SLC2A5: variants seen among roughly 807,000 people sequenced by gnomAD.
The protein encoded by SLC2A5 is solute carrier family 2, facilitated glucose transporter member 5.
Under a neutral mutation model 50.3 loss-of-function variants are expected in SLC2A5, and 56 were observed. That is an observed-to-expected ratio of 1.11 (90% CI 0.90 to 1.39). SLC2A5 has a LOEUF of 1.39. SLC2A5 is among the 40% of genes most tolerant of loss of function. The pLI is 0.00. For missense variants in SLC2A5, 566 were observed against 650.1 expected, an observed-to-expected ratio of 0.87 and a Z score of 1.41; for synonymous variants, 269 against 281.9, an observed-to-expected ratio of 0.95 and a Z score of 0.46.
intron 4 of SLC2A5, among the ~76,000 whole-genome samples, chr1:9,046,997 C>T (rs1039656323): frequency 2.0e-5 from 3 of 152,036 alleles, no homozygotes; most frequent in African/African-American, 2.4e-5. Context: ...CTCTCTCTCT[C>T]GCCTGCTGCC....
At chr1:9,060,359 A>T (rs1382513646) in intron 1 of SLC2A5, among the ~76,000 whole-genome samples, 1 of 124,750 alleles carries the variant, frequency 8.0e-6, no homozygotes, top group Non-Finnish European at 1.6e-5. Context: ...CCAAATGTAC[A>T]CACACTACAT....
intron 1 of SLC2A5, among the ~76,000 whole-genome samples, chr1:9,059,132 CTTTCTTTTTTTTT>C (rs1641835741): frequency 1.2e-5 from 1 of 80,364 alleles, no homozygotes; most frequent in Non-Finnish European, 2.2e-5. Flanking sequence ...AGCCGCCTTT[CTTTCTTTTTTTTT>C]TTTTTTTTTT....
chr1:9,070,269 C>T (rs954351326), upstream of SLC2A5, among the ~76,000 whole-genome samples: 3 of 151,594 alleles, frequency 2.0e-5, no homozygotes, highest in East Asian at 1.9e-4. Flanking sequence ...TTAGTAGACA[C>T]GGGGTTTTGC....
chr1:9,079,409 A>C (rs2124476302), intron 2 of SLC2A5, among the ~76,000 whole-genome samples: 1 of 152,364 alleles, frequency 6.6e-6, no homozygotes, highest in East Asian at 1.9e-4. Context: ...CCGGAGCAGC[A>C]GAGGCTCTTC....
chr1:9,070,365 G>A (rs1209981933), upstream of SLC2A5, among the ~76,000 whole-genome samples: 13 of 152,156 alleles, frequency 8.5e-5, no homozygotes, highest in Non-Finnish European at 1.5e-5. Flanking sequence ...ACAGGCGTGA[G>A]CCATCGTGTC....
upstream of SLC2A5, among the ~76,000 whole-genome samples, chr1:9,089,472 A>T (rs751165862): frequency 9.2e-5 from 14 of 152,222 alleles, no homozygotes; most frequent in Non-Finnish European, 1.9e-4. Context: ...CAGACATCTC[A>T]GTGGGATCTC....
At chr1:9,068,308 A>G (rs886769716) in intron 1 of SLC2A5, among the ~76,000 whole-genome samples, 1 of 151,748 alleles carries the variant, frequency 6.6e-6, no homozygotes, top group East Asian at 1.9e-4. Context: ...CCAGCACCCT[A>G]TGAGGCGGTA....
chr1:9,049,164 T>G (rs1272580646), intron 3 of SLC2A5: 2 of 456,114 alleles, frequency 4.4e-6, no homozygotes, highest in Non-Finnish European at 8.8e-6. Context: ...GGAGCCCTCA[T>G]GATGAGGACC....
At chr1:9,063,018 G>A (rs1032439998) in intron 1 of SLC2A5, among the ~76,000 whole-genome samples, 1 of 152,180 alleles carries the variant, frequency 6.6e-6, no homozygotes, top group African/African-American at 2.4e-5. Flanking sequence ...TACCAGCTTT[G>A]AGGACTACTG....
intron 3 of SLC2A5, among the ~76,000 whole-genome samples, chr1:9,052,433 T>C (rs1445502520): frequency 6.6e-6 from 1 of 152,076 alleles, no homozygotes; most frequent in African/African-American, 2.4e-5. Context: ...GCATAGAGGA[T>C]TCTTAGGGCA....
chr1:9,068,853 T>C (rs1434098236), intron 1 of SLC2A5, among the ~76,000 whole-genome samples: 2 of 152,222 alleles, frequency 1.3e-5, no homozygotes, highest in Non-Finnish European at 2.9e-5. Flanking sequence ...CAGATGCTAT[T>C]GTGATGAATA....
intron 1 of SLC2A5, among the ~76,000 whole-genome samples, chr1:9,062,034 G>T (rs376346858): frequency 1.3e-5 from 2 of 152,164 alleles, no homozygotes; most frequent in Admixed American, 1.3e-4. Flanking sequence ...TTCTGTGGGC[G>T]CAGTAGAAAT....
At chr1:9,070,083 T>G (rs1169911898), upstream of SLC2A5, among the ~76,000 whole-genome samples, 1 of 136,036 alleles carries the variant, frequency 7.4e-6, no homozygotes, top group African/African-American at 2.9e-5. Context: ...TTTTTTTTTT[T>G]TTTTTTTTTT....
At chr1:9,049,186 C>T (rs995946857) in intron 3 of SLC2A5, 15 of 456,062 alleles carry the variant, frequency 3.3e-5, no homozygotes, top group Non-Finnish European at 6.2e-5. Flanking sequence ...TCATGATGGA[C>T]GAAGCTGTCA....
chr1:9,061,292 A>G (rs1467669422), intron 1 of SLC2A5, among the ~76,000 whole-genome samples: 4 of 144,958 alleles, frequency 2.8e-5, no homozygotes, highest in Non-Finnish European at 6.0e-5. Context: ...AAAAAAAAAA[A>G]AAAGAAAAAA....
rs911469134 is a variant in SLC2A5 at position 9,063,116 on chromosome 1, G to A, written c.34-4866C>T. Among the ~76,000 whole-genome samples the A allele has an allele frequency of 5.3e-5, 8 of 152,294 alleles. No homozygotes were observed. The East Asian group carries it at 1.4e-3, about 26-fold the overall frequency. On this transcript the variant is annotated intron_variant, in intron 1 of 11. Transcript: ENST00000377424. ...ACACCACTTCTCACCCTGTGAGTTC[G>A]ACTTAGAGAGTTCAACTTTTTCAGA...
At chr1:9,062,612 C>T (rs1641974448) in intron 1 of SLC2A5, among the ~76,000 whole-genome samples, 1 of 152,168 alleles carries the variant, frequency 6.6e-6, no homozygotes, top group African/African-American at 2.4e-5. Context: ...TGGCTCACAC[C>T]TGTAATCCCA....
In SLC2A5 at chr1:9,079,964, T is replaced by C. The variant is rs553750165; in HGVS notation, c.-59+5050A>G. Among the ~76,000 whole-genome samples, 10 of 152,298 alleles carry C rather than the reference T, an allele frequency of 6.6e-5. No individual in the cohort carries two copies. In the South Asian group the frequency reaches 2.1e-3, roughly 32 times the overall value. Reference sequence around the variant, plus strand: ...GTCCCCATTAAACAACTACTCCCCATTTTCCCTCCCCAAAGTCCCTGGCAA... The same window carrying C: ...GTCCCCATTAAACAACTACTCCCCACTTTCCCTCCCCAAAGTCCCTGGCAA... On this transcript the variant is annotated intron_variant, in intron 2 of 5. Transcript: ENST00000464985.
intron 1 of SLC2A5, among the ~76,000 whole-genome samples, chr1:9,062,894 T>A (rs116648088): frequency 0.075 from 11,373 of 151,440 alleles, 597 homozygotes; most frequent in African/African-American, 0.16. Context: ...AATAAATAAA[T>A]AAATTACTCC....
Sources: allele counts gnomAD v4.1 joint callset (sites outside exome capture counted in the v4.1 genomes callset), GRCh38; gene constraint gnomAD v4.1.1; transcripts MANE v1.5; gene names NCBI Gene and HGNC (gene_info 2026-07-23, HGNC 2026-07-21).